The following IL3RA variants were observed in gnomAD, a reference collection of about 807,000 sequenced individuals.
IL3RA encodes the protein interleukin-3 receptor subunit alpha.
A neutral mutation model predicts 52.3 loss-of-function variants in IL3RA; 73 were observed. That is an observed-to-expected ratio of 1.40 (90% CI 1.16 to 1.70). The LOEUF is 1.70. Ranked by LOEUF, IL3RA falls within the 40% of genes most tolerant of loss-of-function variation. The pLI is 0.00. For synonymous variants in IL3RA, 260 were observed against 194.0 expected (o/e 1.34, Z -2.83); for missense variants, 664 against 504.4 (o/e 1.32, Z -3.03).
At chrX:1,360,410 C>CT (rs1399559938) in intron 8 of IL3RA, among the ~76,000 whole-genome samples, 2 of 150,870 alleles carry the variant, frequency 1.3e-5, no homozygotes. Context: ...GTGTCTCTGT[C>CT]TCTCCCTCTT....
intron 6 of IL3RA, 63 bp downstream of exon 6, chrX:1,352,569 G>T: frequency 2.6e-6 from 4 of 1,539,030 alleles, no homozygotes; most frequent in Non-Finnish European, 3.5e-6. Context: ...TTAGCGCCAG[G>T]CCAGATCCCA....
At chrX:1,341,031 C>T (rs377563073) in intron 1 of IL3RA, among the ~76,000 whole-genome samples, 52 of 152,208 alleles carry the variant, frequency 3.4e-4, no homozygotes, top group African/African-American at 1.1e-3. Flanking sequence ...GCAGGACAAT[C>T]GGTTGAACCT....
rs1323234235 is a variant in IL3RA, at chrX:1,356,296, A to G, written c.692A>G (p.His231Arg). ...TTTATGCACTGGAAAATGAGAAGTC[A>G]TTTCAATCGCAAATTTCGCTATGAG... is the stretch of plus-strand genomic sequence containing the variant. ...HSFMHWKMRS[H>R]FNRKFRYELQ... The change falls in exon 7 of 12, where the codon CAT becomes CGT. Residue 231 changes from histidine (H) to arginine (R), a missense_variant. His to Arg is a conservative substitution (Grantham distance 29). Transcript: ENST00000331035. 1 of 1,613,552 alleles carries G rather than the reference A, an allele frequency of 6.2e-7. No homozygotes were observed. Among genetic ancestry groups the G allele is most frequent in the African/African-American group, 1.3e-5 (1 of 74,882 alleles).
intron 2 of IL3RA, 69 bp from the exon 3 acceptor site, chrX:1,345,247 C>G: frequency 4.2e-6 from 4 of 955,806 alleles, no homozygotes; most frequent in Non-Finnish European, 6.3e-6. Context: ...AAAAAAAAAC[C>G]ATACCCCTTA....
At chrX:1,346,404 A>C (rs1423516818) in intron 3 of IL3RA, among the ~76,000 whole-genome samples, 3 of 151,822 alleles carry the variant, frequency 2.0e-5, no homozygotes, top group African/African-American at 7.3e-5. Context: ...GTGCCACTGC[A>C]CTCCAGCCTG....
chrX:1,358,265 C>A (rs1190447909), intron 7 of IL3RA, among the ~76,000 whole-genome samples: 7 of 152,130 alleles, frequency 4.6e-5, no homozygotes, highest in African/African-American at 1.7e-4. Flanking sequence ...TGTGGCTACC[C>A]CTGAGTGCAT....
intron 9 of IL3RA, among the ~76,000 whole-genome samples, chrX:1,378,193 AAAAAAGAAAAAG>A (rs772094719): frequency 6.7e-6 from 1 of 149,904 alleles, no homozygotes; most frequent in Admixed American, 6.6e-5. Context: ...AAAAAAAAAA[AAAAAAGAAAAAG>A]AAAAAGAAAA....
intron 8 of IL3RA, among the ~76,000 whole-genome samples, chrX:1,364,412 A>G (rs769751715): frequency 1.8e-4 from 27 of 152,106 alleles, no homozygotes; most frequent in African/African-American, 6.5e-4. Flanking sequence ...AATCGCTTGA[A>G]TCTGGGAGGC....
intron 8 of IL3RA, among the ~76,000 whole-genome samples, chrX:1,363,921 G>T (rs12384107): frequency 1.3e-5 from 2 of 151,386 alleles, no homozygotes; most frequent in Admixed American, 1.3e-4. Context: ...GGTGGCTCAC[G>T]CTGGTAATCC....
chrX:1,343,783 T>C (rs2085595465), intron 2 of IL3RA, among the ~76,000 whole-genome samples: 1 of 150,342 alleles, frequency 6.7e-6, no homozygotes, highest in Admixed American at 6.6e-5. Flanking sequence ...TTCTTTTTTT[T>C]TTTTTTGAGA....
At chrX:1,348,060 G>C (rs1232504079) in intron 3 of IL3RA, among the ~76,000 whole-genome samples, 1 of 112,424 alleles carries the variant, frequency 8.9e-6, no homozygotes, top group East Asian at 2.9e-4. Flanking sequence ...ACAGAAAAAA[G>C]TCTTGGCCGG....
At chrX:1,352,294 C>T (rs371601427) in intron 5 of IL3RA, 28 bp from the exon 6 acceptor site, 29 of 1,613,092 alleles carry the variant, frequency 1.8e-5, no homozygotes, top group South Asian at 1.6e-4. Context: ...GGCGTGGGGT[C>T]GTCCCCCAAC....
In IL3RA at chrX:1,348,647, T is replaced by C. The variant is rs1201364802; in HGVS notation, c.298+102T>C. 3.9e-5 allele frequency: 12 copies of C among 308,024 alleles called. 1 individual carries two copies. Among genetic ancestry groups the C allele is most frequent in the Non-Finnish European group, 6.4e-5 (12 of 186,266 alleles). 19.1% of individuals were successfully genotyped at this position (308,024 alleles called of 1,614,324 possible). On this transcript the variant is annotated intron_variant, in intron 4 of 11. Transcript: ENST00000331035. ...GTGTCTTTTTTCTTTTCTTTTTCTC[T>C]TTCTTTCTTTCTTTCTTTCTTTCTT...
At position 1,361,244 on chromosome X, in the gene IL3RA, T is replaced by C. The variant is rs1395343431; in HGVS notation, c.759+2357T>C. On this transcript the variant is annotated intron_variant, in intron 8 of 11. Coordinates refer to ENST00000331035, the MANE Select transcript of IL3RA (RefSeq NM_002183.4). ...CCCTTTCTCTCTCCCATTATTTCTC[T>C]GTGATTGTCTCTTTCTTTCTCTGCC... Among the ~76,000 whole-genome samples, 18 of 150,642 alleles carry C rather than the reference T, an allele frequency of 1.2e-4. 1 individual carries two copies. Among genetic ancestry groups the C allele is most frequent in the African/African-American group, 4.5e-4 (18 of 40,008 alleles).
chrX:1,340,149 T>C (rs1331835384), intron 1 of IL3RA, among the ~76,000 whole-genome samples: 4 of 139,822 alleles, frequency 2.9e-5, no homozygotes, highest in East Asian at 4.5e-4. Context: ...GGAGTCTCGC[T>C]CTGTCGTCCA....
intron 8 of IL3RA, among the ~76,000 whole-genome samples, chrX:1,359,673 T>C (rs1172632772): frequency 6.6e-6 from 1 of 150,724 alleles, no homozygotes; most frequent in Non-Finnish European, 1.5e-5. Flanking sequence ...CCGCTCCGTG[T>C]CTGTCTCTAT....
chrX:1,361,755 G>GAAAAAAAAAAAAAAAAAAAAAAAAAAA (rs1156722120), intron 8 of IL3RA, among the ~76,000 whole-genome samples: 1 of 81,766 alleles, frequency 1.2e-5, no homozygotes, highest in African/African-American at 4.9e-5. Flanking sequence ...TCCGTCTCGA[G>GAAAAAAAAAAAAAAAAAAAAAAAAAAA]AAAAAAAAAA....
At chrX:1,381,199 G>A (rs1719573571) in intron 11 of IL3RA, 95 bp downstream of exon 11, 1 of 1,047,798 alleles carries the variant, frequency 9.5e-7, no homozygotes, top group Non-Finnish European at 1.5e-6. Flanking sequence ...AGGAACTGGA[G>A]ACCAGCCTGG....
intron 6 of IL3RA, among the ~76,000 whole-genome samples, chrX:1,353,609 TCCCATCATGGGTCATGGGACCCCC>T (rs1478917296): frequency 9.1e-6 from 1 of 109,816 alleles, no homozygotes; most frequent in Non-Finnish European, 1.8e-5. Context: ...CCATCATAGG[TCCCATCATGGGTCATGGGACCCCC>T]CCCATCATGG....
Sources: allele counts gnomAD v4.1 joint callset (sites outside exome capture counted in the v4.1 genomes callset), GRCh38; gene constraint gnomAD v4.1.1; transcripts MANE v1.5; gene names NCBI Gene and HGNC (gene_info 2026-07-23, HGNC 2026-07-21).